HCK: variants seen among roughly 807,000 people sequenced by gnomAD.
HCK encodes the protein tyrosine-protein kinase HCK.
HCK carries 40 observed loss-of-function variants against 70.4 expected under a neutral mutation model. The ratio of observed to expected loss-of-function variants is 0.57; its 90% CI spans 0.44 to 0.74. HCK has a LOEUF of 0.74. HCK is among the 30% of genes least tolerant of loss of function. The pLI is 0.00. For missense variants in HCK, 568 were observed against 697.2 expected (o/e 0.81, Z 2.09); for synonymous variants, 245 against 263.2 (o/e 0.93, Z 0.67).
At chr20:32,094,749 GAAAGAAAGAAAGAAGGAAA>G (rs1569009710) in intron 11 of HCK, among the ~76,000 whole-genome samples, 2 of 128,016 alleles carry the variant, frequency 1.6e-5, no homozygotes, top group Admixed American at 8.1e-5. Context: ...AAGAAAGAAA[GAAAGAAAGAAAGAAGGAAA>G]GAAAGAAAGA....
intron 1 of HCK, among the ~76,000 whole-genome samples, chr20:32,066,331 T>TTTTTTTTAGA (rs60044994): frequency 1.2e-5 from 1 of 81,878 alleles, no homozygotes; most frequent in Non-Finnish European, 2.3e-5. Context: ...TTTTTTTTTT[T>TTTTTTTTAGA]GACAGAGTCT....
At chr20:32,086,522 G>C in intron 8 of HCK, 106 bp from the exon 9 acceptor site, 1 of 895,646 alleles carries the variant, frequency 1.1e-6, no homozygotes, top group Non-Finnish European at 1.7e-6. Flanking sequence ...GTTGAGATGA[G>C]CAGGAAAGAC....
rs992309836 is a variant in HCK at position 32,101,544 on chromosome 20, G to C, written c.*25G>C. On this transcript the variant is annotated 3_prime_UTR_variant, in exon 13 of 13. Transcript: ENST00000375852. Reference sequence around the variant, plus strand: ...ATAGGGAGGACCAGGGCAGGGCCAGGGGGTGCCCAGGTGGTGGCTGCAAGG... The same window carrying C: ...ATAGGGAGGACCAGGGCAGGGCCAGCGGGTGCCCAGGTGGTGGCTGCAAGG... 1.8e-5 allele frequency: 29 copies of C among 1,591,380 alleles called. No homozygotes were observed. Among genetic ancestry groups the C allele is most frequent in the African/African-American group, 2.7e-5 (2 of 74,594 alleles).
chr20:32,070,508 C>T (rs1389425925), intron 1 of HCK, among the ~76,000 whole-genome samples: 1 of 152,174 alleles, frequency 6.6e-6, no homozygotes, highest in Non-Finnish European at 1.5e-5. Context: ...GCCTGGAACA[C>T]TCTTCCCTCA....
chr20:32,088,191 C>G (rs771508108), intron 9 of HCK, among the ~76,000 whole-genome samples: 9 of 152,184 alleles, frequency 5.9e-5, no homozygotes, highest in African/African-American at 2.2e-4. Flanking sequence ...CAGGAGTGAG[C>G]CTCGTGCCTA....
chr20:32,099,902 CTT>C (rs5841098), intron 12 of HCK, among the ~76,000 whole-genome samples: 574 of 143,162 alleles, frequency 4.0e-3, no homozygotes, highest in Middle Eastern at 7.1e-3. Context: ...CTTTCTCCAC[CTT>C]TTTTTTTTTT....
chr20:32,086,395 C>T (rs900401148), intron 8 of HCK, among the ~76,000 whole-genome samples: 8 of 152,208 alleles, frequency 5.3e-5, no homozygotes, highest in African/African-American at 1.4e-4. Flanking sequence ...GAGGAAGCCA[C>T]GGCTCAGAGA....
chr20:32,084,819 G>T (rs759250700), intron 8 of HCK, among the ~76,000 whole-genome samples: 1 of 152,184 alleles, frequency 6.6e-6, no homozygotes, highest in African/African-American at 2.4e-5. Flanking sequence ...ATACGGAGTG[G>T]GGACTGCCTA....
chr20:32,098,797 G>A (rs1171515006), intron 11 of HCK, among the ~76,000 whole-genome samples: 1 of 152,182 alleles, frequency 6.6e-6, no homozygotes, highest in African/African-American at 2.4e-5. Context: ...CCATACCCCA[G>A]GCCCCTAAGC....
At chr20:32,099,512 C>T (rs1300478953) in intron 12 of HCK, among the ~76,000 whole-genome samples, 1 of 152,060 alleles carries the variant, frequency 6.6e-6, no homozygotes, top group East Asian at 1.9e-4. Context: ...CATCCACCAC[C>T]ATGCCTGGCT....
intron 9 of HCK, 22 bp downstream of exon 9, chr20:32,086,829 G>C (rs201573109): frequency 6.4e-7 from 1 of 1,560,270 alleles, no homozygotes; most frequent in Non-Finnish European, 8.7e-7. Context: ...TGGGGCTGGG[G>C]GTGCAGGCTG....
Position 32,084,351 on chromosome 20 carries a change from G to A in HCK, c.683-40G>A, listed in dbSNP as rs770517156. Reference sequence around the variant, plus strand: ...CCAAGGAGCAACCTCTGGCTGGCTCGGTGCTTGTTGCTCTCAATTGACCAG... The same window carrying A: ...CCAAGGAGCAACCTCTGGCTGGCTCAGTGCTTGTTGCTCTCAATTGACCAG... On this transcript the variant is annotated intron_variant, in intron 7 of 12. Transcript: ENST00000375852. 42 of 1,579,304 alleles carry A rather than the reference G, an allele frequency of 2.7e-5. 1 individual carries two copies. Among genetic ancestry groups the A allele is most frequent in the East Asian group, 4.5e-5 (2 of 44,042 alleles).
In HCK at chr20:32,095,372, C is replaced by T. The variant is rs151236075; in HGVS notation, c.1246+1356C>T. Among the ~76,000 whole-genome samples, 313 of 152,268 alleles carry T rather than the reference C, an allele frequency of 2.1e-3. 1 individual carries two copies. Among genetic ancestry groups the T allele is most frequent in the African/African-American group, 7.2e-3 (299 of 41,540 alleles). ...CCAGGTTCAAGCGATTCTTGTGCCT[C>T]AGCCTTCTGAGTAGCTGGGATTACA... On this transcript the variant is annotated intron_variant, in intron 11 of 12. Transcript: ENST00000375852.
chr20:32,066,066 C>T (rs1007680319), intron 1 of HCK, among the ~76,000 whole-genome samples: 1 of 152,092 alleles, frequency 6.6e-6, no homozygotes, highest in Admixed American at 6.6e-5. Flanking sequence ...ACTCTGAGCA[C>T]CATATTGCAT....
At position 32,101,587 on chromosome 20, in the gene HCK, G is replaced by A. The variant is rs1190243684; in HGVS notation, c.*68G>A. On this transcript the variant is annotated 3_prime_UTR_variant, in exon 13 of 13. Coordinates refer to ENST00000375852, the MANE Select transcript of HCK (RefSeq NM_002110.5). ...CTGCAAGGTGGCTCCAGCACCATCC[G>A]CCAGGGCCCACACCCCCTTCCTACT... The A allele has an allele frequency of 1.3e-5, 17 of 1,344,260 alleles. No homozygotes were observed. Among genetic ancestry groups the A allele is most frequent in the Non-Finnish European group, 1.7e-5 (16 of 966,510 alleles). The allele number at this position is 1,344,260 out of a possible 1,614,324, so 83.3% of individuals were successfully genotyped here. A position where few individuals can be genotyped will look rare whatever the true frequency, so the allele number is the denominator to read the frequency against.
chr20:32,069,693 C>T (rs1568972913), intron 1 of HCK: 3 of 881,896 alleles, frequency 3.4e-6, no homozygotes, highest in Non-Finnish European at 4.9e-6. Context: ...AAAAGACAAA[C>T]AAAGCAAAAC....
chr20:32,062,796 C>T (rs1418521415), intron 1 of HCK, among the ~76,000 whole-genome samples: 1 of 152,210 alleles, frequency 6.6e-6, no homozygotes, highest in Non-Finnish European at 1.5e-5. Flanking sequence ...ATTCAGAAGA[C>T]AGTCAGGGAA....
At chr20:32,098,975 C>T in intron 11 of HCK, 29 bp from the exon 12 acceptor site, 3 of 1,610,266 alleles carry the variant, frequency 1.9e-6, no homozygotes, top group Non-Finnish European at 2.5e-6. Flanking sequence ...CCCCAGCCTT[C>T]CCCGACTCTG....
At chr20:32,071,396 C>T (rs150367794) in intron 1 of HCK, among the ~76,000 whole-genome samples, 16 of 152,368 alleles carry the variant, frequency 1.1e-4, no homozygotes, top group African/African-American at 3.4e-4. Context: ...ATCCATCACG[C>T]TGGTCCTTGG....
Sources: gnomAD v4.1 joint callset for allele counts (sites outside exome capture counted in the v4.1 genomes callset) on GRCh38, gnomAD v4.1.1 for gene constraint, MANE v1.5 for transcripts, NCBI Gene and HGNC (gene_info 2026-07-23, HGNC 2026-07-21) for gene names.